The following HAVCR1 variants were observed in gnomAD, a reference collection of about 807,000 sequenced individuals.
HAVCR1 encodes the protein hepatitis A virus cellular receptor 1.
Under a neutral mutation model 32.0 loss-of-function variants are expected in HAVCR1, and 34 were observed. The ratio of observed to expected loss-of-function variants is 1.06; its 90% CI spans 0.81 to 1.42. HAVCR1 has a LOEUF of 1.42. HAVCR1 is among the 40% of genes most tolerant of loss of function. The pLI is 0.00. For synonymous variants in HAVCR1, 178 were observed against 170.3 expected, an observed-to-expected ratio of 1.05 and a Z score of -0.35; for missense variants, 420 against 442.3, an observed-to-expected ratio of 0.95 and a Z score of 0.45.
At chr5:157,053,073 C>T (rs6555824) in intron 3 of HAVCR1, among the ~76,000 whole-genome samples, 132,166 of 152,114 alleles carry the variant, frequency 0.87, 57,497 homozygotes, top group East Asian at 0.99. Context: ...TCACCACACC[C>T]GGCTAATTTT....
the HAVCR1 span, among the ~76,000 whole-genome samples, chr5:157,064,388 G>T: frequency 6.6e-6 from 1 of 152,050 alleles, no homozygotes; most frequent in East Asian, 1.9e-4. Context: ...AGGCATGCTG[G>T]CATGCAACTT....
chr5:157,041,774 C>T (rs984487889), intron 6 of HAVCR1, among the ~76,000 whole-genome samples: 3 of 152,056 alleles, frequency 2.0e-5, no homozygotes, highest in South Asian at 2.1e-4. Flanking sequence ...TTAGCTCATT[C>T]GGGCCCGGGC....
At chr5:157,068,411 G>A in the HAVCR1 span, among the ~76,000 whole-genome samples, 1 of 151,902 alleles carries the variant, frequency 6.6e-6, no homozygotes, top group African/African-American at 2.4e-5. Context: ...TAGCGAAACC[G>A]TATCTCTACA....
chr5:157,059,534 G>C (rs1278023442), upstream of HAVCR1, among the ~76,000 whole-genome samples: 4 of 152,098 alleles, frequency 2.6e-5, no homozygotes, highest in Admixed American at 2.6e-4. Context: ...AATTAGCTGG[G>C]GGTGGTGGCG....
At chr5:157,044,396 G>A (rs1236469459) in intron 5 of HAVCR1, among the ~76,000 whole-genome samples, 1 of 43,928 alleles carries the variant, frequency 2.3e-5, no homozygotes, top group East Asian at 1.0e-3. Context: ...AAGGAAGGAA[G>A]GAAGGAAGGA....
At position 157,055,450 on chromosome 5, in the gene HAVCR1, A is replaced by G. The variant is rs1392286629; in HGVS notation, c.130T>C (p.Ser44Pro). Residue 44 changes from serine (S) to proline (P), a missense_variant, in exon 3 of 9, where the codon TCC becomes CCC. Transcript: ENST00000523175. ...CATGAGCCTCTATTCCAGCACATGG[A>G]TGTGACAGCTCCACTGTAGTGGCAG... ...LPCHYSGAVTSMCWNRGSCSL... is the reference protein window; with the variant it reads ...LPCHYSGAVTPMCWNRGSCSL... The G allele has an allele frequency of 1.9e-6, 3 of 1,611,204 alleles. No homozygotes were observed. The South Asian group carries it at 3.3e-5, about 18-fold the overall frequency.
At chr5:157,054,190 CAAAAAAAAAAAAA>C (rs900551230) in intron 3 of HAVCR1, among the ~76,000 whole-genome samples, 5 of 42,210 alleles carry the variant, frequency 1.2e-4, no homozygotes, top group African/African-American at 4.4e-4. Context: ...GACTCCATCT[CAAAAAAAAAAAAA>C]AAAAAAAAAA....
chr5:157,030,336 T>C (rs1754098937), intron 8 of HAVCR1, among the ~76,000 whole-genome samples: 1 of 152,210 alleles, frequency 6.6e-6, no homozygotes, highest in Non-Finnish European at 1.5e-5. Flanking sequence ...AGTTAAATAG[T>C]ACTGTTTCAC....
At chr5:157,035,821 CAAT>C (rs1754493113) in intron 7 of HAVCR1, among the ~76,000 whole-genome samples, 2 of 151,848 alleles carry the variant, frequency 1.3e-5, no homozygotes, top group South Asian at 2.1e-4. Context: ...TAATACACAA[CAAT>C]AATAATACAG....
At position 157,048,746 on chromosome 5, in the gene HAVCR1, C is replaced by T. The variant is rs897527016; in HGVS notation, c.781+292G>A. ...TCGGGAGGCTGAGGCAGGAGAATGG[C>T]GTGAACCTGGGAGGCGGAGCTTGCA... On this transcript the variant is annotated intron_variant, in intron 5 of 8. Coordinates refer to ENST00000523175, the MANE Select transcript of HAVCR1 (RefSeq NM_001173393.3). Among the ~76,000 whole-genome samples the T allele has an allele frequency of 2.5e-3, 383 of 152,144 alleles. 7 individuals carry two copies. The highest frequency in any genetic ancestry group is 1.6e-3 in the Non-Finnish European group (107 of 67,992).
At chr5:157,055,661 T>C (rs1188228984) in intron 2 of HAVCR1, 128 bp from the exon 3 acceptor site, 2 of 568,184 alleles carry the variant, frequency 3.5e-6, no homozygotes, top group East Asian at 2.8e-5. Context: ...AGGTCAGGAG[T>C]TCAAGACCAG....
intron 7 of HAVCR1, among the ~76,000 whole-genome samples, chr5:157,037,012 A>C (rs1220807269): frequency 6.6e-6 from 1 of 152,054 alleles, no homozygotes; most frequent in East Asian, 1.9e-4. Flanking sequence ...TTACAGGCAT[A>C]AGACCCCACA....
intron 5 of HAVCR1, among the ~76,000 whole-genome samples, chr5:157,044,971 ATG>A (rs904188105): frequency 2.8e-4 from 43 of 151,686 alleles, no homozygotes; most frequent in Non-Finnish European, 5.0e-4. Flanking sequence ...TTATGTGTGT[ATG>A]TGTGTGTGTG....
chr5:157,065,824 C>T, the HAVCR1 span, among the ~76,000 whole-genome samples: 1 of 150,764 alleles, frequency 6.6e-6, no homozygotes, highest in Non-Finnish European at 1.5e-5. Context: ...CACTGCACTC[C>T]AGCTTGAGTG....
intron 6 of HAVCR1, among the ~76,000 whole-genome samples, chr5:157,042,310 C>A (rs888653480): frequency 6.6e-6 from 1 of 151,768 alleles, no homozygotes; most frequent in Admixed American, 6.6e-5. Context: ...GGCATGGTGG[C>A]GGGCGCCTGT....
rs894345234 is a variant in HAVCR1 at position 157,037,081 on chromosome 5, C to T, written c.952+166G>A. The T allele has an allele frequency of 4.2e-5, 26 of 620,566 alleles. No homozygotes were observed. The Admixed American group carries it at 4.3e-4, about 10-fold the overall frequency. 38.4% of individuals were successfully genotyped at this position (620,566 alleles called of 1,614,324 possible). ...AATGCATTTAAACTTCATTTCCCTT[C>T]CCCCTTGAGGTAGATGGTATTACCA... is the stretch of plus-strand genomic sequence containing the variant. On this transcript the variant is annotated intron_variant, in intron 7 of 8. Transcript: ENST00000523175.
intron 8 of HAVCR1, among the ~76,000 whole-genome samples, chr5:157,031,273 G>A (rs796644308): frequency 9.8e-5 from 15 of 152,328 alleles, no homozygotes; most frequent in African/African-American, 3.6e-4. Flanking sequence ...GTTCAGACAG[G>A]TTCTGTGGAT....
rs758620224 is a variant in HAVCR1, at chr5:157,037,349, C to T, written c.850G>A (p.Glu284Lys). 1.1e-4 allele frequency: 156 copies of T among 1,484,556 alleles called. No homozygotes were observed. The highest frequency in any genetic ancestry group is 1.4e-4 in the Non-Finnish European group (146 of 1,064,144). The allele number at this position is 1,484,556 out of a possible 1,614,324, so 92.0% of individuals were successfully genotyped here. A position where few individuals can be genotyped will look rare whatever the true frequency, so the allele number is the denominator to read the frequency against. The change falls in exon 7 of 9, where the codon GAA (glutamate) becomes AAA (lysine). Residue 284 changes from glutamate (E) to lysine (K), a missense_variant. Glu to Lys is a moderately conservative substitution (Grantham distance 56, BLOSUM62 1). Coordinates refer to ENST00000523175, the MANE Select transcript of HAVCR1 (RefSeq NM_001173393.3). ...GTATTGGCCGTCAGTAGACTATGTT[C>T]TAGGAACAGTTGCTGAGGAAACAAC... ...WNNNQTQLFL[E>K]HSLLTANTTK...
intron 8 of HAVCR1, among the ~76,000 whole-genome samples, chr5:157,030,389 G>T (rs1046046682): frequency 1.2e-4 from 18 of 152,178 alleles, no homozygotes; most frequent in African/African-American, 4.1e-4. Flanking sequence ...TCCTGTGCTG[G>T]ATGCAGTAGC....
Sources: gnomAD v4.1 joint callset for allele counts (sites outside exome capture counted in the v4.1 genomes callset) on GRCh38, gnomAD v4.1.1 for gene constraint, MANE v1.5 for transcripts, NCBI Gene and HGNC (gene_info 2026-07-23, HGNC 2026-07-21) for gene names.